The following PTPRT variants were observed in gnomAD, a reference collection of about 807,000 sequenced individuals.
PTPRT encodes the protein receptor-type tyrosine-protein phosphatase T.
In PTPRT, 56 loss-of-function variants were observed where a neutral mutation model predicts 176.8. That is an observed-to-expected ratio of 0.32 (90% CI 0.26 to 0.40). PTPRT has a LOEUF of 0.40. PTPRT is among the 10% of genes least tolerant of loss of function. PTPRT has a pLI of 1.00. For missense variants in PTPRT, 1,540 were observed against 1,908.2 expected, an observed-to-expected ratio of 0.81 and a Z score of 3.60; for synonymous variants, 783 against 739.0, an observed-to-expected ratio of 1.06 and a Z score of -0.96.
chr20:43,012,763 C>T (rs969143959), intron 1 of PTPRT, among the ~76,000 whole-genome samples: 1 of 152,092 alleles, frequency 6.6e-6, no homozygotes, highest in Admixed American at 6.5e-5. Flanking sequence ...ACAGGAGCCA[C>T]CGGGAGGTTA....
intron 9 of PTPRT, among the ~76,000 whole-genome samples, chr20:42,425,840 A>T (rs367742538): frequency 2.6e-5 from 4 of 152,178 alleles, no homozygotes; most frequent in Non-Finnish European, 5.9e-5. Context: ...AGTGGATGAG[A>T]GAGGGAGGCC....
intron 1 of PTPRT, among the ~76,000 whole-genome samples, chr20:43,182,891 A>T (rs2015299212): frequency 6.6e-6 from 1 of 152,206 alleles, no homozygotes; most frequent in South Asian, 2.1e-4. Flanking sequence ...GATCCAAGGC[A>T]CTTCTACTCT....
At chr20:42,753,741 C>T (rs948636177) in intron 6 of PTPRT, among the ~76,000 whole-genome samples, 2 of 152,206 alleles carry the variant, frequency 1.3e-5, no homozygotes, top group African/African-American at 2.4e-5. Context: ...TCAGTGTCCC[C>T]GTAAACCCTG....
chr20:42,957,490 G>A (rs564844261), intron 1 of PTPRT, among the ~76,000 whole-genome samples: 5 of 152,158 alleles, frequency 3.3e-5, no homozygotes, highest in Admixed American at 6.5e-5. Flanking sequence ...GGAGAGAGAC[G>A]CCAGAGCATA....
intron 1 of PTPRT, among the ~76,000 whole-genome samples, chr20:43,140,683 CT>C (rs1363689456): frequency 1.3e-5 from 2 of 152,130 alleles, no homozygotes; most frequent in Non-Finnish European, 2.9e-5. Flanking sequence ...TTCATCCACA[CT>C]TTTGGTTATT....
intron 1 of PTPRT, among the ~76,000 whole-genome samples, chr20:42,956,976 C>G (rs1981682662): frequency 6.6e-6 from 1 of 152,076 alleles, no homozygotes; most frequent in Admixed American, 6.5e-5. Context: ...TCTAAACCAC[C>G]CATTGGAAAT....
At chr20:43,040,916 C>G (rs1266156591) in intron 1 of PTPRT, among the ~76,000 whole-genome samples, 1 of 152,198 alleles carries the variant, frequency 6.6e-6, no homozygotes, top group African/African-American at 2.4e-5. Flanking sequence ...TAATTCGAAC[C>G]TGGAACATTT....
chr20:42,715,558 G>T (rs1408636910), intron 6 of PTPRT, among the ~76,000 whole-genome samples: 5 of 152,140 alleles, frequency 3.3e-5, no homozygotes, highest in African/African-American at 1.2e-4. Context: ...CACTGCAGAA[G>T]AAAGAGTCCT....
intron 8 of PTPRT, among the ~76,000 whole-genome samples, chr20:42,455,668 C>G (rs1191333907): frequency 2.0e-5 from 3 of 152,082 alleles, no homozygotes; most frequent in African/African-American, 7.2e-5. Context: ...TTCTCCTCAT[C>G]CTAGGGAGAT....
intron 14 of PTPRT, among the ~76,000 whole-genome samples, chr20:42,241,495 T>C (rs2056353440): frequency 6.6e-6 from 1 of 152,064 alleles, no homozygotes; most frequent in African/African-American, 2.4e-5. Context: ...AGGTGAATTA[T>C]TTTTAGCAGG....
intron 13 of PTPRT, among the ~76,000 whole-genome samples, chr20:42,269,468 C>A (rs994605811): frequency 6.6e-6 from 1 of 152,184 alleles, no homozygotes; most frequent in Admixed American, 6.5e-5. Context: ...CAAGAAACTT[C>A]CCATTGACTA....
chr20:42,888,045 G>C (rs1342684426), intron 1 of PTPRT, among the ~76,000 whole-genome samples: 5 of 152,072 alleles, frequency 3.3e-5, no homozygotes, highest in Non-Finnish European at 5.9e-5. Flanking sequence ...CCTTGATCTT[G>C]AACTTGCCAA....
chr20:42,125,832 A>T (rs1376277612), intron 19 of PTPRT, among the ~76,000 whole-genome samples: 2 of 151,972 alleles, frequency 1.3e-5, no homozygotes, highest in Non-Finnish European at 2.9e-5. Context: ...TTGTTGGGGG[A>T]TTCTAGTCAA....
intron 7 of PTPRT, among the ~76,000 whole-genome samples, chr20:42,515,810 T>C (rs2072054396): frequency 6.6e-6 from 1 of 151,440 alleles, no homozygotes. Flanking sequence ...CACACGTATG[T>C]TTATTGCGGC....
intron 9 of PTPRT, among the ~76,000 whole-genome samples, chr20:42,374,599 A>G (rs906943322): frequency 6.6e-6 from 1 of 152,224 alleles, no homozygotes; most frequent in African/African-American, 2.4e-5. Flanking sequence ...AAAGAAGAAC[A>G]TGCAAATAGA....
rs571582741 is a variant in PTPRT, at chr20:42,717,594, T to G, written c.859+38868A>C. 4.6e-5 allele frequency among the ~76,000 whole-genome samples: 7 copies of G among 152,330 alleles called. 1 individual carries two copies. In the South Asian group the frequency reaches 1.2e-3, roughly 27 times the overall value. ...AAGATAATGTGAGACAGGATTTTTTTTTTATTGTGGGGAACACAAGTATTT... is the reference window on the plus strand; with the variant it reads ...AAGATAATGTGAGACAGGATTTTTTGTTTATTGTGGGGAACACAAGTATTT... On this transcript the variant is annotated intron_variant, in intron 6 of 30. Transcript: ENST00000373187.
intron 7 of PTPRT, among the ~76,000 whole-genome samples, chr20:42,623,557 T>TTCACCATTCATAATTCACCA: frequency 6.6e-6 from 1 of 152,214 alleles, no homozygotes; most frequent in East Asian, 1.9e-4. Context: ...GAAATGGTGA[T>TTCACCATTCATAATTCACCA]AGAATTCAGT....
At chr20:42,562,118 G>C (rs573212341) in intron 7 of PTPRT, among the ~76,000 whole-genome samples, 20 of 152,240 alleles carry the variant, frequency 1.3e-4, no homozygotes, top group African/African-American at 4.6e-4. Context: ...ATTTTCTTCT[G>C]AGCTGTAATT....
intron 7 of PTPRT, among the ~76,000 whole-genome samples, chr20:42,662,809 C>G (rs1003518405): frequency 1.4e-5 from 2 of 144,852 alleles, no homozygotes; most frequent in Admixed American, 1.4e-4. Context: ...TCTGTACTGT[C>G]CAAAAATGTC....
Sources: gnomAD v4.1 joint callset for allele counts (sites outside exome capture counted in the v4.1 genomes callset) on GRCh38, gnomAD v4.1.1 for gene constraint, MANE v1.5 for transcripts, NCBI Gene and HGNC (gene_info 2026-07-23, HGNC 2026-07-21) for gene names.